Variants in MSH3 observed in about 807,000 individuals in gnomAD.
MSH3 encodes the protein DNA mismatch repair protein Msh3.
A neutral mutation model predicts 123.3 loss-of-function variants in MSH3; 106 were observed. That is an observed-to-expected ratio of 0.86 (90% CI 0.73 to 1.01). The LOEUF (loss-of-function observed/expected upper bound fraction) is 1.01. Among genes scored for constraint, MSH3 ranks in the 50% least tolerant of loss-of-function variants. MSH3 has a pLI of 0.00. For synonymous variants in MSH3, 515 were observed against 481.4 expected, an observed-to-expected ratio of 1.07 and a Z score of -0.91; for missense variants, 1,459 against 1,347.6, an observed-to-expected ratio of 1.08 and a Z score of -1.29.
intron 3 of MSH3, among the ~76,000 whole-genome samples, chr5:80,667,112 A>G (rs1384270623): frequency 2.0e-5 from 3 of 152,214 alleles, no homozygotes; most frequent in Non-Finnish European, 2.9e-5. Flanking sequence ...GTTGCTTAAT[A>G]TTCAAGTATT....
rs532868972 is a variant in MSH3, at chr5:80,767,267, T to C, written c.1897-666T>C. 1.4e-4 allele frequency among the ~76,000 whole-genome samples: 21 copies of C among 152,294 alleles called. 1 individual carries two copies. The highest frequency in any genetic ancestry group is 4.8e-4 in the African/African-American group (20 of 41,586). ...TTAAAGTGGTGCTTATTCAAAGGGT[T>C]ATGTGCACTTTTTTATTACGAAGAC... On this transcript the variant is annotated intron_variant, in intron 13 of 23. Coordinates refer to ENST00000265081, the MANE Select transcript of MSH3 (RefSeq NM_002439.5).
chr5:80,826,122 C>T lies in MSH3; in HGVS notation c.2813+12381C>T, dbSNP rs534224611. On this transcript the variant is annotated intron_variant, in intron 20 of 23. Coordinates refer to ENST00000265081, the MANE Select transcript of MSH3 (RefSeq NM_002439.5). ...TAGAACAGCTGCATCAGAATCTTGG[C>T]GGTGCTAGTTAAAAATGCTACTTAC... 5.9e-5 allele frequency among the ~76,000 whole-genome samples: 9 copies of T among 152,304 alleles called. No homozygotes were observed. In the East Asian group the frequency reaches 7.7e-4, roughly 13 times the overall value.
intron 19 of MSH3, among the ~76,000 whole-genome samples, chr5:80,805,892 A>G (rs1158082647): frequency 6.6e-6 from 1 of 151,374 alleles, no homozygotes; most frequent in Non-Finnish European, 1.5e-5. Context: ...CGGCCCCAAT[A>G]TGATGCCTTT....
In MSH3 at chr5:80,784,236, AAAAGG is replaced by A. The variant is rs1744462597; in HGVS notation, c.2436-3328_2436-3324del. ...GCAAAAAAAAAAAAAAAAAAAAAAA[AAAAGG>A]GAAATAAATAAATAAATAAATAAAG... On this transcript the variant is annotated intron_variant, in intron 17 of 23. Transcript: ENST00000265081. Among the ~76,000 whole-genome samples the A allele has an allele frequency of 2.3e-5, 3 of 129,126 alleles. 1 individual carries two copies. The highest frequency in any genetic ancestry group is 3.9e-5 in the African/African-American group (1 of 25,832). 84.7% of individuals were successfully genotyped at this position (129,126 alleles called of 152,430 possible).
At chr5:80,753,300 G>A (rs916720635) in intron 12 of MSH3, among the ~76,000 whole-genome samples, 2 of 152,160 alleles carry the variant, frequency 1.3e-5, no homozygotes, top group African/African-American at 4.8e-5. Context: ...TGCTTGCACT[G>A]TCAGTTTCTA....
At position 80,729,458 on chromosome 5, in the gene MSH3, GTGTA is replaced by G. The variant is rs70991181; in HGVS notation, c.1568+495_1568+498del. On this transcript the variant is annotated intron_variant, in intron 10 of 23. Transcript: ENST00000265081. ...TGTGTGTGTGTGTGTGTGTGTGTGT[GTGTA>G]TATATATATATATATATAAAGAATT... Among the ~76,000 whole-genome samples the G allele has an allele frequency of 2.1e-3, 175 of 81,596 alleles. 1 individual carries two copies. Among genetic ancestry groups the G allele is most frequent in the Non-Finnish European group, 2.3e-3 (88 of 37,794 alleles). The allele number at this position is 81,596 out of a possible 152,430, so 53.5% of individuals were successfully genotyped here.
In MSH3 at chr5:80,754,448, A is replaced by C. The variant is rs181541379; in HGVS notation, c.1764-7098A>C. Among the ~76,000 whole-genome samples, 49 of 152,252 alleles carry C rather than the reference A, an allele frequency of 3.2e-4. No homozygotes were observed. In the East Asian group the frequency reaches 8.9e-3, roughly 28 times the overall value. ...CAAGGTGGCGTTCCCAGCGTCAGGG[A>C]ATTTCTAATCTAATCTGGTCAAGGT... On this transcript the variant is annotated intron_variant, in intron 12 of 23. Transcript: ENST00000265081.
intron 19 of MSH3, among the ~76,000 whole-genome samples, chr5:80,801,955 G>T (rs1476241464): frequency 1.3e-5 from 2 of 152,000 alleles, no homozygotes; most frequent in Non-Finnish European, 2.9e-5. Flanking sequence ...GCTTATCAAG[G>T]CTCTCATAGA....
chr5:80,840,589 T>G (rs893763888), intron 20 of MSH3, among the ~76,000 whole-genome samples: 7 of 151,938 alleles, frequency 4.6e-5, no homozygotes, highest in Non-Finnish European at 1.0e-4. Flanking sequence ...AATTTTTGGG[T>G]TTTTGTTGTT....
At chr5:80,776,412 C>G (rs986253297) in intron 16 of MSH3, among the ~76,000 whole-genome samples, 1 of 152,104 alleles carries the variant, frequency 6.6e-6, no homozygotes, top group Non-Finnish European at 1.5e-5. Flanking sequence ...AATGCTATGC[C>G]TGACATTTCT....
rs6151678 is a variant in MSH3 at position 80,689,470 on chromosome 5, A to G, written c.1340+10377A>G. Among the ~76,000 whole-genome samples, 44 of 152,306 alleles carry G rather than the reference A, an allele frequency of 2.9e-4. No individual in the cohort carries two copies. In the East Asian group the frequency reaches 8.1e-3, roughly 28 times the overall value. Reference sequence around the variant, plus strand: ...ATAATTCTTGCTAACCTCCTCACCCATTTCACTTAAATTAGTTTTATTATA... The same window carrying G: ...ATAATTCTTGCTAACCTCCTCACCCGTTTCACTTAAATTAGTTTTATTATA... On this transcript the variant is annotated intron_variant, in intron 8 of 23. Coordinates refer to ENST00000265081, the MANE Select transcript of MSH3 (RefSeq NM_002439.5).
At chr5:80,726,971 C>T (rs1047596262) in intron 9 of MSH3, among the ~76,000 whole-genome samples, 3 of 152,178 alleles carry the variant, frequency 2.0e-5, no homozygotes, top group Non-Finnish European at 4.4e-5. Context: ...GACTTTGTGG[C>T]AGTGCCCGGG....
At chr5:80,770,012 C>T (rs1744189987) in intron 15 of MSH3, among the ~76,000 whole-genome samples, 1 of 152,132 alleles carries the variant, frequency 6.6e-6, no homozygotes, top group African/African-American at 2.4e-5. Flanking sequence ...ACTCAGCAGA[C>T]ATTCACAATG....
At chr5:80,777,045 C>T (rs1451774064) in intron 16 of MSH3, among the ~76,000 whole-genome samples, 2 of 151,508 alleles carry the variant, frequency 1.3e-5, no homozygotes, top group African/African-American at 4.8e-5. Context: ...GATTCTCCTG[C>T]CTCAGCCTCC....
chr5:80,779,055 G>A lies in MSH3; in HGVS notation c.2435+219G>A, dbSNP rs183272709. Reference sequence around the variant, plus strand: ...CACCGAGGCTGGAGTGCAGTGGCACGATCTCGGCTCACTGCATCCTCCACC... The same window carrying A: ...CACCGAGGCTGGAGTGCAGTGGCACAATCTCGGCTCACTGCATCCTCCACC... On this transcript the variant is annotated intron_variant, in intron 17 of 23. Transcript: ENST00000265081. Among the ~76,000 whole-genome samples the A allele has an allele frequency of 3.6e-4, 53 of 148,262 alleles. No homozygotes were observed. The East Asian group carries it at 0.01, about 28-fold the overall frequency.
In MSH3 at chr5:80,656,475, T is replaced by C; in HGVS notation, c.302T>C (p.Val101Ala). 1 of 1,614,096 alleles carries C rather than the reference T, an allele frequency of 6.2e-7. No individual in the cohort carries two copies. The highest frequency in any genetic ancestry group is 8.5e-7 in the Non-Finnish European group (1 of 1,179,990). The change falls in exon 2 of 24, where the codon GTA becomes GCA. Residue 101 changes from valine to alanine, a missense_variant. Transcript: ENST00000265081. ...LENDGPVKKK[V>A]KKVQQKEGGS... ...AATGATGGGCCTGTTAAAAAGAAAGTAAAGAAAGTCCAACAAAAGGAAGGA... is the reference window on the plus strand; with the variant it reads ...AATGATGGGCCTGTTAAAAAGAAAGCAAAGAAAGTCCAACAAAAGGAAGGA...
At chr5:80,679,404 A>G (rs1047036182) in intron 8 of MSH3, among the ~76,000 whole-genome samples, 1 of 152,116 alleles carries the variant, frequency 6.6e-6, no homozygotes, top group Non-Finnish European at 1.5e-5. Flanking sequence ...TACCCCTACT[A>G]TCACCTTAAT....
chr5:80,858,889 G>T (rs1028756113), intron 21 of MSH3, among the ~76,000 whole-genome samples: 76 of 151,934 alleles, frequency 5.0e-4, no homozygotes, highest in African/African-American at 1.8e-3. Flanking sequence ...ACATTCTCTT[G>T]TTAAATGCAT....
At chr5:80,783,376 C>G (rs1461163449) in intron 17 of MSH3, among the ~76,000 whole-genome samples, 3 of 152,180 alleles carry the variant, frequency 2.0e-5, no homozygotes, top group Non-Finnish European at 4.4e-5. Context: ...TATGGATAAT[C>G]TCTTTGAAGT....
Sources: allele counts gnomAD v4.1 joint callset (sites outside exome capture counted in the v4.1 genomes callset), GRCh38; gene constraint gnomAD v4.1.1; transcripts MANE v1.5; gene names NCBI Gene and HGNC (gene_info 2026-07-23, HGNC 2026-07-21).